Variants in TXNL4A observed in about 807,000 individuals in gnomAD.
TXNL4A encodes the protein thioredoxin-like protein 4A.
A neutral mutation model predicts 14.6 loss-of-function variants in TXNL4A; 17 were observed. The ratio of observed to expected loss-of-function variants is 1.16; its 90% confidence interval spans 0.80 to 1.74. TXNL4A has a LOEUF of 1.74. TXNL4A is among the 40% of genes most tolerant of loss of function. The pLI, the probability that TXNL4A is intolerant of heterozygous loss-of-function variation, is 0.00. For synonymous variants in TXNL4A, 83 were observed against 70.6 expected, an observed-to-expected ratio of 1.18 and a Z score of -0.88; for missense variants, 74 against 195.2, an observed-to-expected ratio of 0.38 and a Z score of 3.70.
At chr18:79,993,320 T>A (rs938713753), upstream of TXNL4A, among the ~76,000 whole-genome samples, 9 of 149,508 alleles carry the variant, frequency 6.0e-5, no homozygotes, top group African/African-American at 1.7e-4. This position sits in a 1 kb window ranked among gnomAD's most constrained non-coding sequence, Gnocchi z 4.4. Context: ...ATTTGCTGTT[T>A]AAAAAAAAAA....
intron 1 of TXNL4A, among the ~76,000 whole-genome samples, chr18:79,987,164 T>A (rs2051563354): frequency 6.6e-6 from 1 of 152,194 alleles, no homozygotes; most frequent in Non-Finnish European, 1.5e-5. Context: ...CCCATACCCA[T>A]AGAATCAGAA....
At chr18:79,986,501 T>A (rs1431844643) in intron 1 of TXNL4A, 5 of 869,154 alleles carry the variant, frequency 5.8e-6, no homozygotes, top group Non-Finnish European at 6.9e-6. Flanking sequence ...GTCCACTATG[T>A]GTGTCCACTA....
At chr18:79,989,674 C>T (rs905309336), upstream of TXNL4A, among the ~76,000 whole-genome samples, 21 of 152,260 alleles carry the variant, frequency 1.4e-4, no homozygotes, top group African/African-American at 5.1e-4. Context: ...ATCTAGCTAT[C>T]CTGGTGGTCC....
chr18:79,980,267 T>C (rs896148031), intron 1 of TXNL4A, among the ~76,000 whole-genome samples: 2 of 152,256 alleles, frequency 1.3e-5, no homozygotes, highest in Non-Finnish European at 2.9e-5. Flanking sequence ...TCTGGACTTC[T>C]GGTATCCAGA....
rs571074022 is a variant in TXNL4A at position 80,018,271 on chromosome 18, T to C, written c.-61+15580A>G. Reference sequence around the variant, plus strand: ...AACGAAATGAAGGCAGAAATACACATGTTCTTTGAAACCAACGAGAACAAA... The same window carrying C: ...AACGAAATGAAGGCAGAAATACACACGTTCTTTGAAACCAACGAGAACAAA... On this transcript the variant is annotated intron_variant, in intron 1 of 2. Coordinates refer to the TXNL4A transcript ENST00000585474. 3.3e-5 allele frequency among the ~76,000 whole-genome samples: 5 copies of C among 152,280 alleles called. No homozygotes were observed. The East Asian group carries it at 9.6e-4, about 29-fold the overall frequency.
chr18:79,977,441 C>A, intron 2 of TXNL4A, 157 bp downstream of exon 2: 1 of 594,496 alleles, frequency 1.7e-6, no homozygotes, highest in South Asian at 2.3e-5. Flanking sequence ...AAAATTATTT[C>A]AAAGATTCAC....
At chr18:80,003,691 C>T (rs2051711583) in intron 1 of TXNL4A, among the ~76,000 whole-genome samples, 1 of 152,138 alleles carries the variant, frequency 6.6e-6, no homozygotes, top group African/African-American at 2.4e-5. Flanking sequence ...TTTGTTCATT[C>T]TCATGCTGCT....
At chr18:80,032,699 G>C (rs1265709924) in intron 1 of TXNL4A, among the ~76,000 whole-genome samples, 1 of 152,204 alleles carries the variant, frequency 6.6e-6, no homozygotes, top group Non-Finnish European at 1.5e-5. Context: ...AAGTAGCTGG[G>C]TGTGGTGGCA....
intron 1 of TXNL4A, among the ~76,000 whole-genome samples, chr18:80,010,709 G>C (rs1416189465): frequency 6.6e-6 from 1 of 152,216 alleles, no homozygotes; most frequent in East Asian, 1.9e-4. Context: ...CCAAGTGGAG[G>C]TTTTTCCATC....
chr18:80,004,631 A>G (rs1366677698), intron 1 of TXNL4A, among the ~76,000 whole-genome samples: 3 of 152,196 alleles, frequency 2.0e-5, no homozygotes, highest in Non-Finnish European at 4.4e-5. Flanking sequence ...GGGCAGGTCA[A>G]GGTGGGCTGT....
At position 79,973,156 on chromosome 18, in the gene TXNL4A, A is replaced by C. The variant is rs1250727281; in HGVS notation, c.*529T>G. On this transcript the variant is annotated 3_prime_UTR_variant, in exon 3 of 3. Coordinates refer to ENST00000269601, the MANE Select transcript of TXNL4A (RefSeq NM_006701.5). ...CACCCACACAGGGAGGACACAGGTG[A>C]AGGCAGAGATGGGGCGAAGTATCCA... 1 of 152,658 alleles carries C rather than the reference A, an allele frequency of 6.6e-6. No individual in the cohort carries two copies. The highest frequency in any genetic ancestry group is 1.9e-4 in the East Asian group (1 of 5,206). The allele number at this position is 152,658 out of a possible 1,614,324, so 9.5% of individuals were successfully genotyped here. A position where few individuals can be genotyped will look rare whatever the true frequency, so the allele number is the denominator to read the frequency against.
intron 1 of TXNL4A, among the ~76,000 whole-genome samples, chr18:80,027,104 CAGTCAA>C (rs1046233153): frequency 4.6e-5 from 7 of 152,098 alleles, no homozygotes; most frequent in African/African-American, 1.7e-4. Context: ...CTTACGGTCT[CAGTCAA>C]ATACAGATAT....
intron 2 of TXNL4A, among the ~76,000 whole-genome samples, chr18:79,975,982 C>T (rs902855824): frequency 1.3e-5 from 2 of 152,134 alleles, no homozygotes; most frequent in Non-Finnish European, 2.9e-5. Context: ...GGGTCAGCCA[C>T]GCAACCTTTG....
intron 1 of TXNL4A, among the ~76,000 whole-genome samples, chr18:80,012,667 T>C (rs1399989076): frequency 2.0e-5 from 3 of 152,176 alleles, no homozygotes; most frequent in African/African-American, 7.2e-5. Flanking sequence ...ACAGTACCAT[T>C]TGGAACTATA....
At chr18:80,016,438 A>G (rs1232654040) in intron 1 of TXNL4A, among the ~76,000 whole-genome samples, 1 of 151,428 alleles carries the variant, frequency 6.6e-6, no homozygotes. Flanking sequence ...GTCCTTGCCC[A>G]TGCCTATGTC....
intron 1 of TXNL4A, among the ~76,000 whole-genome samples, chr18:80,013,181 C>T (rs1369292166): frequency 6.7e-6 from 1 of 148,198 alleles, no homozygotes; most frequent in African/African-American, 2.5e-5. Context: ...AGCACAGTGG[C>T]GCGCGATCTT....
intron 1 of TXNL4A, among the ~76,000 whole-genome samples, chr18:80,010,747 A>T (rs1415873730): frequency 6.6e-6 from 1 of 152,208 alleles, no homozygotes; most frequent in Non-Finnish European, 1.5e-5. Context: ...GTCTCCAGGC[A>T]CAACGCCACG....
At chr18:79,995,899 G>T (rs551625908) in intron 1 of TXNL4A, among the ~76,000 whole-genome samples, 2 of 151,836 alleles carry the variant, frequency 1.3e-5, no homozygotes, top group African/African-American at 4.8e-5. Context: ...TCAGGAGATC[G>T]AGACCATCTT....
chr18:80,004,571 T>C (rs996543827), intron 1 of TXNL4A, among the ~76,000 whole-genome samples: 5 of 152,120 alleles, frequency 3.3e-5, no homozygotes, highest in African/African-American at 1.2e-4. Context: ...ACTTTGCTGG[T>C]TGAAGAGGAA....
Sources: gnomAD v4.1 joint callset for allele counts (sites outside exome capture counted in the v4.1 genomes callset) on GRCh38, gnomAD v4.1.1 for gene constraint, Gnocchi (gnomAD v3.1) non-coding constraint, MANE v1.5 for transcripts, NCBI Gene and HGNC (gene_info 2026-07-23, HGNC 2026-07-21) for gene names.